Variants in LUZP2 observed in about 807,000 individuals in gnomAD.
LUZP2 encodes the protein leucine zipper protein 2.
Under a neutral mutation model 51.6 loss-of-function variants are expected in LUZP2, and 52 were observed. The observed-to-expected ratio is 1.01, with a 90% CI of 0.81 to 1.27. The LOEUF (loss-of-function observed/expected upper bound fraction) is 1.27, where lower values mean the gene tolerates loss of function less well. Among genes scored for constraint, LUZP2 ranks in the 50% most tolerant of loss-of-function variants. The pLI is 0.00. For synonymous variants in LUZP2, 154 were observed against 137.3 expected, an observed-to-expected ratio of 1.12 and a Z score of -0.85; for missense variants, 436 against 395.4, an observed-to-expected ratio of 1.10 and a Z score of -0.87.
At position 24,794,062 on chromosome 11, in the gene LUZP2, T is replaced by C. The variant is rs1849480525; in HGVS notation, c.396+30754T>C. 2.0e-5 allele frequency among the ~76,000 whole-genome samples: 3 copies of C among 152,090 alleles called. 1 individual carries two copies. In the South Asian group the frequency reaches 6.2e-4, roughly 31 times the overall value. On this transcript the variant is annotated intron_variant, in intron 5 of 11. Coordinates refer to ENST00000336930, the MANE Select transcript of LUZP2 (RefSeq NM_001009909.4). The stretch of plus-strand genomic sequence containing the variant: ...TCATTTCAAGTAACAGGTAGATAAA[T>C]ATAATGCCTTTAAAATGTAAAATTC...
At chr11:24,717,357 A>G (rs66616480) in intron 1 of LUZP2, among the ~76,000 whole-genome samples, 32,567 of 151,306 alleles carry the variant, frequency 0.22, 4,358 homozygotes, top group East Asian at 0.45. Context: ...AACTCATGCC[A>G]TGGGGGTTTG....
At chr11:24,896,293 G>A (rs1259760815) in intron 5 of LUZP2, among the ~76,000 whole-genome samples, 4 of 152,098 alleles carry the variant, frequency 2.6e-5, no homozygotes, top group African/African-American at 9.7e-5. Flanking sequence ...TGGAGGGAGA[G>A]GCGCCGCCAG....
At chr11:24,663,776 G>A (rs191632644) in intron 1 of LUZP2, among the ~76,000 whole-genome samples, 8 of 152,150 alleles carry the variant, frequency 5.3e-5, no homozygotes, top group East Asian at 1.9e-4. Flanking sequence ...TGCTATTCTC[G>A]TGCTAGTAAG....
intron 5 of LUZP2, among the ~76,000 whole-genome samples, chr11:24,808,400 C>T (rs1389772232): frequency 6.6e-6 from 1 of 152,146 alleles, no homozygotes; most frequent in East Asian, 1.9e-4. Context: ...CCAATACTTA[C>T]ACAACCTTTC....
At chr11:24,957,834 A>G (rs1855254411) in intron 7 of LUZP2, among the ~76,000 whole-genome samples, 1 of 152,070 alleles carries the variant, frequency 6.6e-6, no homozygotes, top group Non-Finnish European at 1.5e-5. Context: ...TACATGTGCC[A>G]TGCTGGTGCA....
rs57329413 is a variant in LUZP2 at position 24,796,491 on chromosome 11, C to CTGTGTGTGTG, written c.396+33216_396+33225dup. ...TATAATTTTGTATGGTAATAATAATCTGTGTGTGTGTGTGTGTGTGTGTGT... is the reference window on the plus strand; with the variant it reads ...TATAATTTTGTATGGTAATAATAATCTGTGTGTGTGTGTGTGTGTGTGTGTGTGTGTGTGT... On this transcript the variant is annotated intron_variant, in intron 5 of 11. Coordinates refer to ENST00000336930, the MANE Select transcript of LUZP2 (RefSeq NM_001009909.4). 8.1e-3 allele frequency among the ~76,000 whole-genome samples: 1,015 copies of CTGTGTGTGTG among 124,614 alleles called. 17 individuals carry two copies. Among genetic ancestry groups the CTGTGTGTGTG allele is most frequent in the South Asian group, 0.017 (57 of 3,360 alleles). The allele number at this position is 124,614 out of a possible 152,430, so 81.8% of individuals were successfully genotyped here.
chr11:24,809,881 A>C (rs1464818763), intron 5 of LUZP2, among the ~76,000 whole-genome samples: 1 of 152,144 alleles, frequency 6.6e-6, no homozygotes, highest in Non-Finnish European at 1.5e-5. Flanking sequence ...CTACTGAAAA[A>C]TACTTGGCAC....
At chr11:24,854,807 G>A (rs936369571) in intron 5 of LUZP2, among the ~76,000 whole-genome samples, 1 of 152,208 alleles carries the variant, frequency 6.6e-6, no homozygotes, top group Non-Finnish European at 1.5e-5. Flanking sequence ...AAGCCCATGG[G>A]AAAAACATAA....
intron 9 of LUZP2, among the ~76,000 whole-genome samples, chr11:25,011,692 G>T (rs1165438886): frequency 1.3e-5 from 2 of 151,904 alleles, no homozygotes; most frequent in Admixed American, 6.6e-5. Context: ...TTTCAATTTT[G>T]TTTAAATTTT....
intron 9 of LUZP2, among the ~76,000 whole-genome samples, chr11:25,029,952 T>A (rs1857598734): frequency 6.6e-6 from 1 of 152,098 alleles, no homozygotes; most frequent in South Asian, 2.1e-4. Context: ...TATTTTTATG[T>A]AAGGTGTGTA....
intron 5 of LUZP2, among the ~76,000 whole-genome samples, chr11:24,783,308 G>A (rs1849145405): frequency 6.6e-6 from 1 of 151,672 alleles, no homozygotes; most frequent in Non-Finnish European, 1.5e-5. Flanking sequence ...CTGACAGAGT[G>A]GAAAACTGCT....
chr11:24,882,940 G>GAGAA (rs150678587), intron 5 of LUZP2, among the ~76,000 whole-genome samples: 9,891 of 144,310 alleles, frequency 0.069, 1,109 homozygotes, highest in African/African-American at 0.23. Context: ...AAGAAAGAAA[G>GAGAA]AGAAAGAAAG....
chr11:24,638,474 A>G lies in LUZP2; in HGVS notation c.63-90695A>G, dbSNP rs554185583. On this transcript the variant is annotated intron_variant, in intron 1 of 11. Transcript: ENST00000336930. ...AAGTATTCTAAAAACTATATAGGGA[A>G]AAAATTGTTTGACAAAATCATTCAA... Among the ~76,000 whole-genome samples the G allele has an allele frequency of 6.6e-5, 10 of 151,884 alleles. No homozygotes were observed. The East Asian group carries it at 1.7e-3, about 26-fold the overall frequency.
At chr11:24,568,897 G>A (rs1268657185) in intron 1 of LUZP2, among the ~76,000 whole-genome samples, 1 of 151,892 alleles carries the variant, frequency 6.6e-6, no homozygotes, top group Non-Finnish European at 1.5e-5. Flanking sequence ...TAATACATAT[G>A]TTTTCTTTTA....
chr11:24,849,225 C>T (rs952822618), intron 5 of LUZP2, among the ~76,000 whole-genome samples: 2 of 152,086 alleles, frequency 1.3e-5, no homozygotes, highest in Admixed American at 6.6e-5. Flanking sequence ...TGGTTTGCTG[C>T]ACCCATCAAC....
At position 24,856,414 on chromosome 11, in the gene LUZP2, A is replaced by T. The variant is rs539691452; in HGVS notation, c.397-49577A>T. On this transcript the variant is annotated intron_variant, in intron 5 of 11. Transcript: ENST00000336930. Reference sequence around the variant, plus strand: ...TCTCATGCCAGTCAGAATGGCTATTATTAAAAAGTCAATAAAAGTTATTGG... The same window carrying T: ...TCTCATGCCAGTCAGAATGGCTATTTTTAAAAAGTCAATAAAAGTTATTGG... Among the ~76,000 whole-genome samples, 3 of 152,170 alleles carry T rather than the reference A, an allele frequency of 2.0e-5. No individual in the cohort carries two copies. In the South Asian group the frequency reaches 6.2e-4, roughly 31 times the overall value.
At chr11:24,998,705 C>A (rs1856584993) in intron 9 of LUZP2, among the ~76,000 whole-genome samples, 1 of 151,992 alleles carries the variant, frequency 6.6e-6, no homozygotes, top group African/African-American at 2.4e-5. Flanking sequence ...CTACCTATAC[C>A]CAACTTAATA....
intron 1 of LUZP2, among the ~76,000 whole-genome samples, chr11:24,552,607 A>C (rs35783821): frequency 0.35 from 53,021 of 151,844 alleles, 9,691 homozygotes; most frequent in Middle Eastern, 0.49. Context: ...TGTATTCAGC[A>C]AAGTTGATAG....
intron 10 of LUZP2, among the ~76,000 whole-genome samples, chr11:25,050,435 G>T (rs1222204423): frequency 1.3e-5 from 2 of 151,196 alleles, no homozygotes; most frequent in East Asian, 3.9e-4. Flanking sequence ...CTCCCGAGTA[G>T]CTGGGACTAC....
Sources: allele counts gnomAD v4.1 joint callset (sites outside exome capture counted in the v4.1 genomes callset), GRCh38; gene constraint gnomAD v4.1.1; transcripts MANE v1.5; gene names NCBI Gene and HGNC (gene_info 2026-07-23, HGNC 2026-07-21).